SPEN: variants seen among roughly 807,000 people sequenced by gnomAD.
SPEN encodes the protein msx2-interacting protein.
SPEN carries 18 observed loss-of-function variants against 269.9 expected under a neutral mutation model. The ratio of observed to expected loss-of-function variants is 0.07; its 90% CI spans 0.05 to 0.10. The LOEUF is 0.10. Ranked by LOEUF, SPEN falls within the 10% of genes least tolerant of loss-of-function variation. The pLI, the probability that SPEN is intolerant of heterozygous loss-of-function variation, is 1.00. For missense variants in SPEN, 3,822 were observed against 4,631.2 expected (o/e 0.83, Z 5.07); for synonymous variants, 1,726 against 1,765.7 (o/e 0.98, Z 0.56).
At chr1:15,884,359 GTTAAC>G (rs766476370) in intron 3 of SPEN, among the ~76,000 whole-genome samples, 50 of 152,208 alleles carry the variant, frequency 3.3e-4, no homozygotes, top group Middle Eastern at 3.4e-3. Context: ...AGATTTTGCA[GTTAAC>G]TTATTTTAGT....
chr1:15,901,208 G>C (rs2070895771), intron 3 of SPEN, among the ~76,000 whole-genome samples: 1 of 151,398 alleles, frequency 6.6e-6, no homozygotes, highest in Admixed American at 6.6e-5. Context: ...AAAGGTGTAG[G>C]GGCGGCTGAG....
rs2071090775 is a variant in SPEN, at chr1:15,918,985, T to C, written c.1455T>C (p.Asp485=). The C allele has an allele frequency of 3.1e-6, 5 of 1,610,644 alleles. No individual in the cohort carries two copies. In the South Asian group the frequency reaches 4.4e-5, roughly 14 times the overall value. Residue 485 remains aspartate (D), a synonymous_variant, in exon 7 of 15, where the codon GAT becomes GAC. Transcript: ENST00000375759. ...VPQYAFLQYC[D]IASVCKAIKK... is the part of the protein sequence containing the mutation. ...AGTATGCGTTTCTGCAATACTGTGA[T>C]ATTGCTAGCGTTTGTAAAGCTATTA...
chr1:15,908,114 AC>A (rs2070977125), intron 3 of SPEN, among the ~76,000 whole-genome samples: 1 of 152,100 alleles, frequency 6.6e-6, no homozygotes, highest in African/African-American at 2.4e-5. Context: ...AATTGCACCT[AC>A]CTGGAAAATT....
chr1:15,875,507 C>A (rs2070621920), intron 2 of SPEN, among the ~76,000 whole-genome samples: 1 of 151,964 alleles, frequency 6.6e-6, no homozygotes, highest in Non-Finnish European at 1.5e-5. Context: ...TTTAAATTCA[C>A]ATAGAGTAGC....
rs2071270416 is a variant in SPEN, at chr1:15,935,953, A to T, written c.9713A>T (p.Asp3238Val). The T allele has an allele frequency of 6.2e-7, 1 of 1,604,766 alleles. No homozygotes were observed. Among genetic ancestry groups the T allele is most frequent in the Non-Finnish European group, 8.5e-7 (1 of 1,177,132 alleles). ...QPGKEAAKTP[D>V]AKAAPTPTPA... The stretch of plus-strand genomic sequence containing the variant: ...GGGAAGGAAGCTGCCAAGACACCAG[A>T]TGCCAAAGCTGCCCCCACCCCCACC... Residue 3238 changes from aspartate (D) to valine (V), a missense_variant, in exon 11 of 15, where the codon GAT becomes GTT. By Grantham distance (152) the Asp-to-Val change is radical (BLOSUM62 -3). Transcript: ENST00000375759. This position sits in a 1 kb window ranked among gnomAD's most constrained non-coding sequence, Gnocchi z 7.7.
At chr1:15,850,858 T>G (rs576240421) in intron 1 of SPEN, among the ~76,000 whole-genome samples, 1 of 152,330 alleles carries the variant, frequency 6.6e-6, no homozygotes, top group Admixed American at 6.5e-5. Context: ...ATGCAATACC[T>G]ATATTAAAAC....
chr1:15,910,987 C>A, intron 4 of SPEN, 114 bp from the exon 5 acceptor site: 1 of 840,118 alleles, frequency 1.2e-6, no homozygotes, highest in Admixed American at 2.8e-5. Flanking sequence ...TAGTATATTA[C>A]CTGTCTGACA....
intron 3 of SPEN, among the ~76,000 whole-genome samples, chr1:15,886,200 G>C (rs1408112466): frequency 6.6e-6 from 1 of 152,174 alleles, no homozygotes; most frequent in Non-Finnish European, 1.5e-5. Context: ...TTGGAAACAA[G>C]TACTGGGCTG....
intron 3 of SPEN, among the ~76,000 whole-genome samples, chr1:15,901,882 G>A (rs959141038): frequency 6.7e-6 from 1 of 149,736 alleles, no homozygotes; most frequent in Admixed American, 6.6e-5. Flanking sequence ...TAGTGAGAAT[G>A]ACGTTTTATT....
intron 5 of SPEN, among the ~76,000 whole-genome samples, chr1:15,912,606 G>T (rs923200593): frequency 6.6e-6 from 1 of 152,108 alleles, no homozygotes; most frequent in Admixed American, 6.5e-5. Context: ...CTGCAAAATG[G>T]TCACTCTGTG....
At chr1:15,856,723 A>G (rs1414550952) in intron 1 of SPEN, among the ~76,000 whole-genome samples, 2 of 151,572 alleles carry the variant, frequency 1.3e-5, no homozygotes, top group Non-Finnish European at 2.9e-5. Flanking sequence ...GCCCACCACC[A>G]TGCCCAGCTA....
chr1:15,852,893 T>C (rs2070349824), intron 1 of SPEN, among the ~76,000 whole-genome samples: 2 of 152,340 alleles, frequency 1.3e-5, no homozygotes, highest in Middle Eastern at 3.4e-3. Context: ...GACTGACTGA[T>C]TGATTGAGAC....
rs2071195724 is a variant in SPEN, at chr1:15,929,027, G to T, written c.2787G>T (p.Leu929Phe). The T allele has an allele frequency of 1.9e-6, 3 of 1,614,074 alleles. No homozygotes were observed. The highest frequency in any genetic ancestry group is 1.1e-5 in the South Asian group (1 of 91,088). ...AGACGGAGCCTGCAAAATCTGACTT[G>T]TCTAAACTGGAATCAGTTAGAATGA... Reference protein sequence around the residue: ...VSQTEPAKSDLSKLESVRMKV... With the variant: ...VSQTEPAKSDFSKLESVRMKV... The change falls in exon 11 of 15, where the codon TTG becomes TTT. Residue 929 changes from leucine to phenylalanine, a missense_variant. Leu to Phe is a conservative substitution (Grantham distance 22, BLOSUM62 0). This residue lies in a region of SPEN where 572 missense variants were observed against 582.6 expected (regional missense o/e 0.98). Coordinates refer to ENST00000375759, the MANE Select transcript of SPEN (RefSeq NM_015001.3). The surrounding 1 kb of genome is among the most constrained non-coding windows in gnomAD (Gnocchi z 5.8).
chr1:15,859,977 T>C (rs1015657719), intron 1 of SPEN, among the ~76,000 whole-genome samples: 1 of 132,296 alleles, frequency 7.6e-6, no homozygotes, highest in African/African-American at 2.8e-5. Context: ...AGTGGTGCGA[T>C]CTCAGCTCAC....
In SPEN at chr1:15,856,104, G is replaced by T. The variant is rs749087169; in HGVS notation, c.83+7954G>T. Reference sequence around the variant, plus strand: ...ACCTCCTGGGTTCACACCATTCTGCGTCAGCCTCCCAAATAGCTGGGATTA... The same window carrying T: ...ACCTCCTGGGTTCACACCATTCTGCTTCAGCCTCCCAAATAGCTGGGATTA... On this transcript the variant is annotated intron_variant, in intron 1 of 14. Coordinates refer to ENST00000375759, the MANE Select transcript of SPEN (RefSeq NM_015001.3). Among the ~76,000 whole-genome samples the T allele has an allele frequency of 2.7e-5, 4 of 145,984 alleles. No individual in the cohort carries two copies. The Admixed American group carries it at 2.8e-4, about 10-fold the overall frequency.
rs1363517641 is a variant in SPEN, at chr1:15,930,542, T to C, written c.4302T>C (p.Phe1434=). ...TAGAAAGGAACAAATTTTACTCTTT[T>C]GCATTGGATAAGACAATCACACCAG... is the stretch of plus-strand genomic sequence containing the variant. ...SSLERNKFYS[F]ALDKTITPDT... The change falls in exon 11 of 15, where the codon TTT becomes TTC. Residue 1434 remains phenylalanine, a synonymous_variant. Transcript: ENST00000375759. The surrounding 1 kb of genome is among the most constrained non-coding windows in gnomAD (Gnocchi z 5.3). The C allele has an allele frequency of 6.2e-7, 1 of 1,614,166 alleles. No individual in the cohort carries two copies. Among genetic ancestry groups the C allele is most frequent in the Non-Finnish European group, 8.5e-7 (1 of 1,180,028 alleles).
In SPEN at chr1:15,915,697, G is replaced by A. The variant is rs552382306; in HGVS notation, c.1244-431G>A. ...ATACAGGCGTGCGCCACCATACTTG[G>A]CTAATTTTTTGTATTTTTTTTGGTA... On this transcript the variant is annotated intron_variant, in intron 5 of 14. Coordinates refer to ENST00000375759, the MANE Select transcript of SPEN (RefSeq NM_015001.3). Among the ~76,000 whole-genome samples, 125 of 152,034 alleles carry A rather than the reference G, an allele frequency of 8.2e-4. 1 individual carries two copies. The highest frequency in any genetic ancestry group is 2.9e-3 in the African/African-American group (120 of 41,476).
intron 1 of SPEN, among the ~76,000 whole-genome samples, chr1:15,860,899 CTTTTG>C (rs768720695): frequency 5.9e-5 from 9 of 151,450 alleles, no homozygotes; most frequent in Admixed American, 1.3e-4. Flanking sequence ...TGTGCCCGGA[CTTTTG>C]TTTTGTTTTG....
chr1:15,862,703 G>A (rs1324098051), intron 1 of SPEN, among the ~76,000 whole-genome samples: 2 of 151,444 alleles, frequency 1.3e-5, no homozygotes, highest in East Asian at 1.9e-4. Flanking sequence ...GTATGTATGT[G>A]CATAAATAAT....
Sources: allele counts gnomAD v4.1 joint callset (sites outside exome capture counted in the v4.1 genomes callset), GRCh38; gene constraint gnomAD v4.1.1; regional missense constraint gnomAD v4.1.1; non-coding constraint Gnocchi (gnomAD v3.1); transcripts MANE v1.5; gene names NCBI Gene and HGNC (gene_info 2026-07-23, HGNC 2026-07-21).